Variants in HCN1 observed in about 807,000 individuals in gnomAD.
The protein encoded by HCN1 is hyperpolarization activated cyclic nucleotide gated potassium channel 1.
Under a neutral mutation model 78.9 loss-of-function variants are expected in HCN1, and 13 were observed. That is an observed-to-expected ratio of 0.16 (90% CI 0.11 to 0.26). The LOEUF is 0.26. Among genes scored for constraint, HCN1 ranks in the 10% least tolerant of loss-of-function variants. HCN1 has a pLI of 1.00. For missense variants in HCN1, 810 were observed against 1,154.3 expected (o/e 0.70, Z 4.32); for synonymous variants, 552 against 455.5 (o/e 1.21, Z -2.70).
intron 5 of HCN1, among the ~76,000 whole-genome samples, chr5:45,352,137 C>T (rs1048724293): frequency 6.6e-6 from 1 of 152,112 alleles, no homozygotes; most frequent in African/African-American, 2.4e-5. Context: ...AAATGTCCAA[C>T]AAGGATAGAC....
intron 2 of HCN1, among the ~76,000 whole-genome samples, chr5:45,532,018 C>A (rs1031896277): frequency 1.3e-5 from 2 of 152,116 alleles, no homozygotes. Context: ...CCAGCCTGGG[C>A]GACAGAGCAA....
chr5:45,494,037 T>C (rs1192767339), intron 2 of HCN1, among the ~76,000 whole-genome samples: 1 of 152,130 alleles, frequency 6.6e-6, no homozygotes, highest in Non-Finnish European at 1.5e-5. Flanking sequence ...TCTTTGCTAT[T>C]GTGAATAATG....
chr5:45,518,360 C>T (rs1417239120), intron 2 of HCN1, among the ~76,000 whole-genome samples: 1 of 151,926 alleles, frequency 6.6e-6, no homozygotes, highest in Non-Finnish European at 1.5e-5. Flanking sequence ...ATCAGTCTCC[C>T]CACATTGTTC....
chr5:45,375,851 ATTT>A, intron 4 of HCN1, among the ~76,000 whole-genome samples: 1 of 118,834 alleles, frequency 8.4e-6, no homozygotes, highest in Admixed American at 1.0e-4. Flanking sequence ...ATAATATAAT[ATTT>A]TATGATATAT....
At chr5:45,348,764 A>C (rs1209876665) in intron 5 of HCN1, among the ~76,000 whole-genome samples, 1 of 152,206 alleles carries the variant, frequency 6.6e-6, no homozygotes, top group Non-Finnish European at 1.5e-5. Flanking sequence ...CAAAGATCAA[A>C]AGAGACAAAG....
chr5:45,363,145 C>CATATATATATATAT (rs34074894), intron 4 of HCN1, among the ~76,000 whole-genome samples: 104 of 131,260 alleles, frequency 7.9e-4, no homozygotes, highest in African/African-American at 2.4e-3. Flanking sequence ...TATATATATA[C>CATATATATATATAT]ATATATATAT....
chr5:45,390,633 G>T (rs961597841), intron 4 of HCN1, among the ~76,000 whole-genome samples: 49 of 152,084 alleles, frequency 3.2e-4, no homozygotes, highest in African/African-American at 1.2e-3. Flanking sequence ...TTAGAGCATT[G>T]ACACAGAAAT....
intron 2 of HCN1, among the ~76,000 whole-genome samples, chr5:45,588,883 C>G (rs1046137108): frequency 6.6e-6 from 1 of 152,144 alleles, no homozygotes; most frequent in Non-Finnish European, 1.5e-5. Context: ...TATCTCACGC[C>G]TGATAAAAAT....
At position 45,374,034 on chromosome 5, in the gene HCN1, A is replaced by G. The variant is rs1468174184; in HGVS notation, c.1231-20788T>C. The stretch of plus-strand genomic sequence containing the variant: ...ATAATATATATTATATATATTATAT[A>G]CATAATATATATTATATATATTATA... On this transcript the variant is annotated intron_variant, in intron 4 of 7. Transcript: ENST00000303230. Among the ~76,000 whole-genome samples, 9 of 110,440 alleles carry G rather than the reference A, an allele frequency of 8.1e-5. No homozygotes were observed. In the East Asian group the frequency reaches 1.2e-3, roughly 15 times the overall value. The allele number at this position is 110,440 out of a possible 152,430, so 72.5% of individuals were successfully genotyped here. A position where few individuals can be genotyped will look rare whatever the true frequency, so the allele number is the denominator to read the frequency against.
intron 2 of HCN1, among the ~76,000 whole-genome samples, chr5:45,492,872 C>T (rs1014751463): frequency 6.6e-6 from 1 of 151,982 alleles, no homozygotes; most frequent in African/African-American, 2.4e-5. Context: ...CTTAGAAAAA[C>T]TCTTTGAGGC....
intron 2 of HCN1, among the ~76,000 whole-genome samples, chr5:45,534,820 T>C (rs1160822038): frequency 1.3e-5 from 2 of 152,170 alleles, no homozygotes; most frequent in Admixed American, 6.5e-5. Flanking sequence ...TACAAGCATA[T>C]AGTTTCTTTT....
At chr5:45,565,394 A>G (rs1390366586) in intron 2 of HCN1, among the ~76,000 whole-genome samples, 1 of 152,172 alleles carries the variant, frequency 6.6e-6, no homozygotes, top group Non-Finnish European at 1.5e-5. Flanking sequence ...CCTATAGAAT[A>G]TATTTGCATG....
chr5:45,273,703 T>A (rs183251296), intron 6 of HCN1, among the ~76,000 whole-genome samples: 1 of 152,266 alleles, frequency 6.6e-6, no homozygotes, highest in African/African-American at 2.4e-5. Context: ...TAAAAGTAAT[T>A]CTCTGCTGTG....
intron 4 of HCN1, among the ~76,000 whole-genome samples, chr5:45,360,389 C>T (rs915591228): frequency 6.6e-6 from 1 of 151,882 alleles, no homozygotes; most frequent in East Asian, 1.9e-4. Flanking sequence ...GGGCTTATGA[C>T]TAATCTATCT....
At chr5:45,423,439 G>A (rs1740268221) in intron 3 of HCN1, among the ~76,000 whole-genome samples, 1 of 152,012 alleles carries the variant, frequency 6.6e-6, no homozygotes, top group African/African-American at 2.4e-5. Flanking sequence ...CCTTCACAAA[G>A]CCTCCACTGT....
At chr5:45,278,949 A>G (rs1477350988) in intron 6 of HCN1, among the ~76,000 whole-genome samples, 1 of 152,162 alleles carries the variant, frequency 6.6e-6, no homozygotes, top group Non-Finnish European at 1.5e-5. Context: ...AGATGGATAT[A>G]CAATCATATA....
intron 6 of HCN1, among the ~76,000 whole-genome samples, chr5:45,300,910 A>G (rs1357508893): frequency 6.6e-6 from 1 of 152,148 alleles, no homozygotes. Flanking sequence ...GAGACAACAC[A>G]GAATCATTTT....
chr5:45,632,230 A>G (rs2112012790), intron 2 of HCN1, among the ~76,000 whole-genome samples: 1 of 152,026 alleles, frequency 6.6e-6, no homozygotes, highest in East Asian at 1.9e-4. Context: ...AATTTATAGC[A>G]GCCTGAGTCT....
At chr5:45,645,737 A>G in intron 1 of HCN1, 129 bp from the exon 2 acceptor site, 1 of 581,896 alleles carries the variant, frequency 1.7e-6, no homozygotes, top group Non-Finnish European at 2.9e-6. Flanking sequence ...TTATTTTTTA[A>G]AAATGTAATT....
Sources: allele counts gnomAD v4.1 joint callset (sites outside exome capture counted in the v4.1 genomes callset), GRCh38; gene constraint gnomAD v4.1.1; transcripts MANE v1.5; gene names NCBI Gene and HGNC (gene_info 2026-07-23, HGNC 2026-07-21).